Variants in KANK3 observed in about 807,000 individuals in gnomAD.
The protein encoded by KANK3 is KN motif and ankyrin repeat domains 3, also known as KN motif and ankyrin repeat domain-containing protein 3.
Under a neutral mutation model 65.4 loss-of-function variants are expected in KANK3, and 61 were observed. That is an observed-to-expected ratio of 0.93 (90% CI 0.76 to 1.15). KANK3 has a LOEUF of 1.15. Ranked by LOEUF, KANK3 falls within the 50% of genes most tolerant of loss-of-function variation. The pLI is 0.00. For missense variants in KANK3, 1,187 were observed against 1,178.8 expected, an observed-to-expected ratio of 1.01 and a Z score of -0.10; for synonymous variants, 586 against 543.3, an observed-to-expected ratio of 1.08 and a Z score of -1.09.
At chr19:8,332,217 G>A (rs867391764) in intron 7 of KANK3, among the ~76,000 whole-genome samples, 7 of 151,360 alleles carry the variant, frequency 4.6e-5, no homozygotes, top group Non-Finnish European at 7.4e-5. Context: ...TCACTCTGTC[G>A]CCCAGGCTGG....
intron 7 of KANK3, among the ~76,000 whole-genome samples, chr19:8,326,404 A>G (rs1394987092): frequency 6.7e-6 from 1 of 150,342 alleles, no homozygotes; most frequent in African/African-American, 2.4e-5. Context: ...CCTGGGTAAC[A>G]CAGTGAGACC....
At position 8,334,098 on chromosome 19, in the gene KANK3, G is replaced by C; in HGVS notation, c.1446C>G (p.Ser482Arg). 6.6e-7 allele frequency: 1 copy of C among 1,520,756 alleles called. No homozygotes were observed. The highest frequency in any genetic ancestry group is 8.8e-7 in the Non-Finnish European group (1 of 1,135,016). 94.2% of individuals were successfully genotyped at this position (1,520,756 alleles called of 1,614,324 possible). A position where few individuals can be genotyped will look rare whatever the true frequency, so the allele number is the denominator to read the frequency against. Residue 482 changes from serine to arginine, a missense_variant, in exon 5 of 11, where the codon AGC becomes AGG. This residue lies in a region of KANK3 where 1,078 missense variants were observed against 1,038.2 expected (regional missense o/e 1.04). Coordinates refer to ENST00000330915, the MANE Select transcript of KANK3 (RefSeq NM_198471.3). ...CGCCATCGCTGTCGCTGGCGTCCTC[G>C]CTGGAGGAGCTCTCGTACCTGGGGG... ...VLNGEYESSSSEDASDSDGDS... is the reference protein window; with the variant it reads ...VLNGEYESSSREDASDSDGDS...
At chr19:8,326,086 T>C (rs1970422526) in intron 7 of KANK3, among the ~76,000 whole-genome samples, 1 of 151,976 alleles carries the variant, frequency 6.6e-6, no homozygotes, top group Non-Finnish European at 1.5e-5. Flanking sequence ...CTTCCCAAAG[T>C]GCTGGGATTA....
intron 1 of KANK3, among the ~76,000 whole-genome samples, chr19:8,340,777 G>C (rs1034063811): frequency 6.6e-6 from 1 of 152,206 alleles, no homozygotes; most frequent in African/African-American, 2.4e-5. Context: ...TCCAAGGCCA[G>C]GCAGGGGGCC....
chr19:8,335,400 G>A lies in KANK3; in HGVS notation c.427C>T (p.Leu143=). The A allele has an allele frequency of 1.7e-6, 2 of 1,202,768 alleles. No homozygotes were observed. The highest frequency in any genetic ancestry group is 2.1e-6 in the Non-Finnish European group (2 of 969,282). 74.5% of individuals were successfully genotyped at this position (1,202,768 alleles called of 1,614,324 possible). A position where few individuals can be genotyped will look rare whatever the true frequency, so the allele number is the denominator to read the frequency against. The part of the protein sequence containing the change: ...TLRETSRRLE[L]AQTHERAPSP... ...GGCGCGCGCTCGTGTGTCTGCGCCA[G>A]CTCCAGCCGCCGGCTGGTCTCCCGG... The change falls in exon 3 of 11, where the codon CTG becomes TTG. Residue 143 remains leucine (L), a synonymous_variant. Coordinates refer to ENST00000330915, the MANE Select transcript of KANK3 (RefSeq NM_198471.3).
At chr19:8,337,183 C>A (rs1970654616) in intron 2 of KANK3, among the ~76,000 whole-genome samples, 1 of 149,808 alleles carries the variant, frequency 6.7e-6, no homozygotes, top group Non-Finnish European at 1.5e-5. Flanking sequence ...CAGGCACGCG[C>A]CACCATGCCT....
intron 1 of KANK3, among the ~76,000 whole-genome samples, chr19:8,341,906 T>A (rs1970727024): frequency 6.6e-6 from 1 of 152,260 alleles, no homozygotes. Flanking sequence ...TTTAGTGTCC[T>A]GCCTGGGTCC....
intron 2 of KANK3, among the ~76,000 whole-genome samples, chr19:8,336,905 A>C (rs1970649500): frequency 6.6e-6 from 1 of 152,040 alleles, no homozygotes; most frequent in Admixed American, 6.6e-5. Context: ...TCCCGAGCAG[A>C]GTAAAGAAGG....
chr19:8,334,173 C>T, intron 4 of KANK3, 57 bp from the exon 5 acceptor site: 1 of 1,491,704 alleles, frequency 6.7e-7, no homozygotes, highest in Non-Finnish European at 8.9e-7. Flanking sequence ...GTTCTGGAGT[C>T]CTGCGATGTG....
chr19:8,335,012 G>A lies in KANK3; in HGVS notation c.815C>T (p.Pro272Leu). 6.8e-7 allele frequency: 1 copy of A among 1,466,474 alleles called. No individual in the cohort carries two copies. The highest frequency in any genetic ancestry group is 2.6e-5 in the Admixed American group (1 of 38,794). 90.8% of individuals were successfully genotyped at this position (1,466,474 alleles called of 1,614,324 possible). Residue 272 changes from proline (P) to leucine (L), a missense_variant, in exon 3 of 11, where the codon CCA (proline) becomes CTA (leucine). Around this residue, in one of 3 missense-constraint regions of KANK3, gnomAD observed 1,078 missense variants for 1,038.2 expected, o/e 1.04. Transcript: ENST00000330915. ...GCTGCGCCCTGCAGCCAGGCCGTCTGGGCTGTCAGCCCGGGGGCTGGCCCT... is the reference window on the plus strand; with the variant it reads ...GCTGCGCCCTGCAGCCAGGCCGTCTAGGCTGTCAGCCCGGGGGCTGGCCCT... Reference protein sequence around the residue: ...RARASPRADSPDGLAAGRSEG... With the variant: ...RARASPRADSLDGLAAGRSEG...
Position 8,324,953 on chromosome 19 carries a change from G to C in KANK3, c.2080C>G (p.Gln694Glu), listed in dbSNP as rs1970396877. Reference protein sequence around the residue: ...CMGDVNAKASQTGQTALMLAI... With the variant: ...CMGDVNAKASETGQTALMLAI... ...CCACAGTGGGGGCGCCCACGCACCT[G>C]ACTGGCCTTGGCATTGACATCACCC... is the stretch of plus-strand genomic sequence containing the variant. The change falls in exon 8 of 11, where the codon CAG (glutamine) becomes GAG (glutamate). Residue 694 changes from glutamine to glutamate, a missense_variant and splice_region_variant. Physicochemically the swap from Gln to Glu is conservative, Grantham distance 29. Coordinates refer to ENST00000330915, the MANE Select transcript of KANK3 (RefSeq NM_198471.3). The C allele has an allele frequency of 1.2e-6, 2 of 1,613,232 alleles. No individual in the cohort carries two copies. The highest frequency in any genetic ancestry group is 3.3e-5 in the Admixed American group (2 of 59,934).
chr19:8,335,140 C>G lies in KANK3; in HGVS notation c.687G>C (p.Ala229=). 8.1e-7 allele frequency: 1 copy of G among 1,228,236 alleles called. No homozygotes were observed. The highest frequency in any genetic ancestry group is 1.6e-5 in the African/African-American group (1 of 63,476). 76.1% of individuals were successfully genotyped at this position (1,228,236 alleles called of 1,614,324 possible). A position where few individuals can be genotyped will look rare whatever the true frequency, so the allele number is the denominator to read the frequency against. Residue 229 remains alanine, a synonymous_variant, in exon 3 of 11, where the codon GCG becomes GCC. Coordinates refer to ENST00000330915, the MANE Select transcript of KANK3 (RefSeq NM_198471.3). ...AEKARLLAGR[A]QPEPDGEAET... ...CAGCCTCCCCGTCCGGCTCGGGCTG[C>G]GCGCGCCCGGCCAGCAGCCGCGCCT...
At chr19:8,338,323 A>G (rs1174749595) in intron 1 of KANK3, among the ~76,000 whole-genome samples, 1 of 151,954 alleles carries the variant, frequency 6.6e-6, no homozygotes, top group East Asian at 1.9e-4. Flanking sequence ...TGCCTAGCCG[A>G]CCTTGAAACT....
At chr19:8,324,361 C>G in intron 10 of KANK3, 88 bp downstream of exon 10, 1 of 1,228,534 alleles carries the variant, frequency 8.1e-7, no homozygotes, top group South Asian at 1.4e-5. Flanking sequence ...CTTTGGGGAG[C>G]AGAAAGGGAG....
At chr19:8,325,162 T>A in intron 7 of KANK3, 66 bp from the exon 8 acceptor site, 1 of 1,513,944 alleles carries the variant, frequency 6.6e-7, no homozygotes. Flanking sequence ...TCCACTCACC[T>A]CCCTGCAAGC....
chr19:8,342,922 C>T (rs962691866), intron 1 of KANK3, among the ~76,000 whole-genome samples: 1 of 152,150 alleles, frequency 6.6e-6, no homozygotes, highest in African/African-American at 2.4e-5. Context: ...GGTCCCCAGG[C>T]CGTCCCGGGA....
intron 7 of KANK3, among the ~76,000 whole-genome samples, chr19:8,329,471 C>T (rs116268708): frequency 4.9e-4 from 54 of 110,218 alleles, no homozygotes; most frequent in African/African-American, 2.0e-3. Flanking sequence ...TCCAGCCAGG[C>T]AACAGAGCAA....
In KANK3 at chr19:8,335,318, G is replaced by A. The variant is rs1396358189; in HGVS notation, c.509C>T (p.Ala170Val). 2.5e-6 allele frequency: 3 copies of A among 1,197,136 alleles called. No individual in the cohort carries two copies. In the South Asian group the frequency reaches 1.2e-4, roughly 47 times the overall value. The allele number at this position is 1,197,136 out of a possible 1,614,324, so 74.2% of individuals were successfully genotyped here. The change falls in exon 3 of 11, where the codon GCC (alanine) becomes GTC (valine). Residue 170 changes from alanine (A) to valine (V), a missense_variant. This residue lies in a region of KANK3 where 1,078 missense variants were observed against 1,038.2 expected (regional missense o/e 1.04). Coordinates refer to ENST00000330915, the MANE Select transcript of KANK3 (RefSeq NM_198471.3). ...GGGCGAAGCAGGGGCAAGGTTAGGG[G>A]CGGGGCTGCTGCGGCCGGACCCGCG... ...SPRGSGRSSP[A>V]PNLAPASPGP... is the part of the protein sequence containing the mutation.
Position 8,333,534 on chromosome 19 carries a change from G to T in KANK3, c.1719+190C>A, listed in dbSNP as rs1023893546. Among the ~76,000 whole-genome samples, 4 of 152,214 alleles carry T rather than the reference G, an allele frequency of 2.6e-5. No individual in the cohort carries two copies. Among genetic ancestry groups the T allele is most frequent in the Non-Finnish European group, 5.9e-5 (4 of 68,026 alleles). On this transcript the variant is annotated intron_variant, in intron 6 of 10. Transcript: ENST00000330915. The surrounding 1 kb of genome is among the most constrained non-coding windows in gnomAD (Gnocchi z 5.0). ...TGGGGAGTCCGGGAGTGGGGCTGGG[G>T]CCGGGCCTTTTTGGGGAAACCAAGG...
Sources: allele counts gnomAD v4.1 joint callset (sites outside exome capture counted in the v4.1 genomes callset), GRCh38; gene constraint gnomAD v4.1.1; regional missense constraint gnomAD v4.1.1; non-coding constraint Gnocchi (gnomAD v3.1); transcripts MANE v1.5; gene names NCBI Gene and HGNC (gene_info 2026-07-23, HGNC 2026-07-21).